The following MFAP3L variants were observed in gnomAD, a reference collection of about 807,000 sequenced individuals.
The protein encoded by MFAP3L is microfibrillar-associated protein 3-like.
In MFAP3L, 5 loss-of-function variants were observed where a neutral mutation model predicts 20.0. That is an observed-to-expected ratio of 0.25 (90% CI 0.13 to 0.53). MFAP3L has a LOEUF of 0.53. Ranked by LOEUF, MFAP3L falls within the 20% of genes least tolerant of loss-of-function variation. The pLI is 0.96. For missense variants in MFAP3L, 409 were observed against 527.5 expected (o/e 0.78, Z 2.20); for synonymous variants, 219 against 213.0 (o/e 1.03, Z -0.25).
intron 2 of MFAP3L, among the ~76,000 whole-genome samples, chr4:170,002,535 G>A (rs984423988): frequency 6.6e-6 from 1 of 151,898 alleles, no homozygotes; most frequent in African/African-American, 2.4e-5. Flanking sequence ...TTTTCAGACA[G>A]AGTCTCGTTC....
Position 169,992,424 on chromosome 4 carries a change from T to C in MFAP3L, c.299-115A>G, listed in dbSNP as rs888298470. ...CTATGAAGAACATCTATGAAGTCTA[T>C]GAACGTCGACTTCACATGCTTACTA... is the stretch of plus-strand genomic sequence containing the variant. On this transcript the variant is annotated intron_variant, in intron 2 of 2. Transcript: ENST00000361618. This position sits in a 1 kb window ranked among gnomAD's most constrained non-coding sequence, Gnocchi z 4.3. The C allele has an allele frequency of 4.3e-6, 4 of 928,616 alleles. No homozygotes were observed. The highest frequency in any genetic ancestry group is 6.5e-6 in the Non-Finnish European group (4 of 618,368). 57.5% of individuals were successfully genotyped at this position (928,616 alleles called of 1,614,324 possible).
In MFAP3L at chr4:169,988,101, A is replaced by G. The variant is rs1350219674; in HGVS notation, c.*3277T>C. On this transcript the variant is annotated 3_prime_UTR_variant, in exon 3 of 3. Coordinates refer to ENST00000361618, the MANE Select transcript of MFAP3L (RefSeq NM_021647.8). ...TGCTTGGGATGGATGAGACATTCAG[A>G]GATTTTTAGAGCGATTTCTAGAAGC... The G allele has an allele frequency of 6.6e-6, 1 of 152,204 alleles. No homozygotes were observed. Among genetic ancestry groups the G allele is most frequent in the Non-Finnish European group, 1.5e-5 (1 of 68,040 alleles). The allele number at this position is 152,204 out of a possible 1,614,324, so 9.4% of individuals were successfully genotyped here.
At chr4:170,017,139 T>G (rs1233912270) in intron 1 of MFAP3L, among the ~76,000 whole-genome samples, 3 of 152,198 alleles carry the variant, frequency 2.0e-5, no homozygotes, top group Non-Finnish European at 2.9e-5. Context: ...TTTGAAAAGA[T>G]GCACTCAATA....
intron 1 of MFAP3L, among the ~76,000 whole-genome samples, chr4:170,008,383 A>C (rs911334528): frequency 6.6e-5 from 10 of 152,224 alleles, no homozygotes; most frequent in Non-Finnish European, 8.8e-5. Context: ...TAATGAATTA[A>C]TAGTTTTAGT....
Position 169,992,389 on chromosome 4 carries a change from C to T in MFAP3L, c.299-80G>A. ...CAAACTGATACGTTTCTAAGAACAT[C>T]TATGAACATCTATGAAGAACATCTA... is the stretch of plus-strand genomic sequence containing the variant. On this transcript the variant is annotated intron_variant, in intron 2 of 2. Transcript: ENST00000361618. This position sits in a 1 kb window ranked among gnomAD's most constrained non-coding sequence, Gnocchi z 4.3. 8.6e-7 allele frequency: 1 copy of T among 1,160,666 alleles called. No homozygotes were observed. Among genetic ancestry groups the T allele is most frequent in the Non-Finnish European group, 1.2e-6 (1 of 813,056 alleles). 71.9% of individuals were successfully genotyped at this position (1,160,666 alleles called of 1,614,324 possible).
intron 1 of MFAP3L, among the ~76,000 whole-genome samples, chr4:170,013,580 A>G (rs945250696): frequency 6.6e-6 from 1 of 152,222 alleles, no homozygotes; most frequent in Non-Finnish European, 1.5e-5. Context: ...CATGCAATTA[A>G]TTTAGTGGCT....
At position 169,990,939 on chromosome 4, in the gene MFAP3L, A is replaced by G. The variant is rs1737615020; in HGVS notation, c.*439T>C. ...CCCATTATAAAGGAAAAGCAAAATT[A>G]AAACTGAGAAGAAACTGCAAAAAAC... On this transcript the variant is annotated 3_prime_UTR_variant, in exon 3 of 3. Transcript: ENST00000361618. The G allele has an allele frequency of 6.1e-6, 1 of 164,902 alleles. No homozygotes were observed. The highest frequency in any genetic ancestry group is 1.3e-5 in the Non-Finnish European group (1 of 75,526). 10.2% of individuals were successfully genotyped at this position (164,902 alleles called of 1,614,324 possible).
In MFAP3L at chr4:169,990,086, C is replaced by T. The variant is rs1473948198; in HGVS notation, c.*1292G>A. On this transcript the variant is annotated 3_prime_UTR_variant, in exon 3 of 3. Coordinates refer to ENST00000361618, the MANE Select transcript of MFAP3L (RefSeq NM_021647.8). The stretch of plus-strand genomic sequence containing the variant: ...TCAGAGCTCATGTCATCTGCCCCTT[C>T]TACAGATAAGGGACCTGAGGTCCAG... 1 of 152,226 alleles carries T rather than the reference C, an allele frequency of 6.6e-6. No individual in the cohort carries two copies. The highest frequency in any genetic ancestry group is 1.5e-5 in the Non-Finnish European group (1 of 68,050). The allele number at this position is 152,226 out of a possible 1,614,324, so 9.4% of individuals were successfully genotyped here.
intron 1 of MFAP3L, among the ~76,000 whole-genome samples, chr4:170,015,939 G>A (rs1739673967): frequency 6.6e-6 from 1 of 152,128 alleles, no homozygotes; most frequent in Non-Finnish European, 1.5e-5. Context: ...CAAGGCCCGT[G>A]TCTTTGGGCC....
chr4:170,016,221 G>A (rs1019787587), intron 1 of MFAP3L, among the ~76,000 whole-genome samples: 3 of 152,072 alleles, frequency 2.0e-5, no homozygotes, highest in Admixed American at 1.3e-4. Flanking sequence ...CCAGCAGTTC[G>A]TCATTCAGTG....
chr4:170,007,386 C>T (rs1332241332), intron 1 of MFAP3L, among the ~76,000 whole-genome samples: 1 of 152,102 alleles, frequency 6.6e-6, no homozygotes, highest in Admixed American at 6.5e-5. Flanking sequence ...CTGACCTATT[C>T]GATACAGAAT....
chr4:170,021,906 T>C (rs1441356542), intron 1 of MFAP3L, among the ~76,000 whole-genome samples: 1 of 152,188 alleles, frequency 6.6e-6, no homozygotes, highest in African/African-American at 2.4e-5. Context: ...TGATTGATTG[T>C]GGCACTTTCC....
intron 2 of MFAP3L, chr4:169,994,167 C>G (rs1737956955): frequency 1.0e-6 from 1 of 984,814 alleles, no homozygotes; most frequent in South Asian, 4.7e-5. Flanking sequence ...TAGAGACTTA[C>G]AGGCTATGCT....
At chr4:170,010,754 T>C (rs1225989374) in intron 1 of MFAP3L, among the ~76,000 whole-genome samples, 1 of 150,520 alleles carries the variant, frequency 6.6e-6, no homozygotes, top group African/African-American at 2.5e-5. Context: ...AACCGGCTAT[T>C]AGTAGTTAAG....
At chr4:170,018,413 T>C (rs756172585) in intron 1 of MFAP3L, among the ~76,000 whole-genome samples, 1 of 152,216 alleles carries the variant, frequency 6.6e-6, no homozygotes, top group Non-Finnish European at 1.5e-5. Flanking sequence ...TGAGGGCCTC[T>C]GGGGCATCTT....
At position 169,991,137 on chromosome 4, in the gene MFAP3L, A is replaced by T; in HGVS notation, c.*241T>A. On this transcript the variant is annotated 3_prime_UTR_variant, in exon 3 of 3. Transcript: ENST00000361618. The surrounding 1 kb of genome is among the most constrained non-coding windows in gnomAD (Gnocchi z 4.9). ...CAGAGATCAGCCTCTGAAACTCATT[A>T]TCACATAGACACCTTCTGTCTGGTA... The T allele has an allele frequency of 3.7e-6, 2 of 541,234 alleles. No homozygotes were observed. The highest frequency in any genetic ancestry group is 6.5e-6 in the Non-Finnish European group (2 of 307,552). The allele number at this position is 541,234 out of a possible 1,614,324, so 33.5% of individuals were successfully genotyped here.
intron 2 of MFAP3L, among the ~76,000 whole-genome samples, chr4:170,001,361 T>C (rs1035459741): frequency 6.6e-6 from 1 of 152,210 alleles, no homozygotes; most frequent in African/African-American, 2.4e-5. Flanking sequence ...ATAGTAGCAG[T>C]TGTGACAATT....
At chr4:169,998,896 A>G (rs1738405891) in intron 2 of MFAP3L, among the ~76,000 whole-genome samples, 1 of 152,264 alleles carries the variant, frequency 6.6e-6, no homozygotes, top group African/African-American at 2.4e-5. Flanking sequence ...TAAATGAAAT[A>G]CAACATTTAT....
Position 169,992,342 on chromosome 4 carries a change from G to A in MFAP3L, c.299-33C>T, listed in dbSNP as rs1737782435. 2 of 1,543,320 alleles carry A rather than the reference G, an allele frequency of 1.3e-6. No homozygotes were observed. Among genetic ancestry groups the A allele is most frequent in the Non-Finnish European group, 8.8e-7 (1 of 1,131,144 alleles). The stretch of plus-strand genomic sequence containing the variant: ...AAGGGAGAGAAGAGAATTCAACCAA[G>A]GACACAGAGCTCCCATGACTACAAA... On this transcript the variant is annotated intron_variant, in intron 2 of 2. Transcript: ENST00000361618. The surrounding 1 kb of genome is among the most constrained non-coding windows in gnomAD (Gnocchi z 4.3).
Sources: allele counts gnomAD v4.1 joint callset (sites outside exome capture counted in the v4.1 genomes callset), GRCh38; gene constraint gnomAD v4.1.1; non-coding constraint Gnocchi (gnomAD v3.1); transcripts MANE v1.5; gene names NCBI Gene and HGNC (gene_info 2026-07-23, HGNC 2026-07-21).